EVA1A: variants seen among roughly 807,000 people sequenced by gnomAD.
The protein encoded by EVA1A is eva-1 homolog A, regulator of programmed cell death.
EVA1A carries 7 observed loss-of-function variants against 9.8 expected under a neutral mutation model. That is an observed-to-expected ratio of 0.71 (90% CI 0.41 to 1.34). The LOEUF (loss-of-function observed/expected upper bound fraction) is 1.34, where lower values mean the gene tolerates loss of function less well. EVA1A is among the 40% of genes most tolerant of loss of function. The pLI, the probability that EVA1A is intolerant of heterozygous loss-of-function variation, is 0.01. For missense variants in EVA1A, 206 were observed against 205.9 expected, an observed-to-expected ratio of 1.00 and a Z score of 0.00; for synonymous variants, 90 against 85.6, an observed-to-expected ratio of 1.05 and a Z score of -0.28.
At chr2:75,512,798 TCCA>T (rs1674860953) in intron 3 of EVA1A, among the ~76,000 whole-genome samples, 1 of 152,178 alleles carries the variant, frequency 6.6e-6, no homozygotes, top group South Asian at 2.1e-4. Context: ...AGGATGCTTC[TCCA>T]CCCATTAGAT....
chr2:75,502,666 C>A (rs1674471889), intron 3 of EVA1A, among the ~76,000 whole-genome samples: 2 of 152,136 alleles, frequency 1.3e-5, no homozygotes, highest in Middle Eastern at 3.2e-3. Flanking sequence ...TAGATACATA[C>A]ATACATAGAG....
At chr2:75,509,486 G>A (rs370770075) in intron 3 of EVA1A, among the ~76,000 whole-genome samples, 1 of 152,098 alleles carries the variant, frequency 6.6e-6, no homozygotes, top group Non-Finnish European at 1.5e-5. Flanking sequence ...TAGTAAGATT[G>A]TTGCTAATTT....
chr2:75,561,545 G>A (rs896944045), upstream of EVA1A, among the ~76,000 whole-genome samples: 8 of 152,148 alleles, frequency 5.3e-5, no homozygotes, highest in East Asian at 1.5e-3. Context: ...AGTGATGGGC[G>A]CTCAGCTGGG....
intron 1 of EVA1A, chr2:75,540,790 T>C (rs948627370): frequency 6.6e-6 from 1 of 152,196 alleles, no homozygotes; most frequent in Non-Finnish European, 1.5e-5. Context: ...ATGATGGCAC[T>C]GTACGAATCA....
intron 1 of EVA1A, among the ~76,000 whole-genome samples, chr2:75,536,932 G>A (rs187199833): frequency 1.8e-4 from 27 of 152,250 alleles, no homozygotes; most frequent in African/African-American, 6.5e-4. Flanking sequence ...AATCAGAGAA[G>A]AGGGGATACT....
chr2:75,499,477 G>C (rs1050719099), intron 3 of EVA1A, among the ~76,000 whole-genome samples: 2 of 152,160 alleles, frequency 1.3e-5, no homozygotes, highest in Non-Finnish European at 2.9e-5. Flanking sequence ...CCTAGTTCTA[G>C]TGATAATAAA....
chr2:75,537,453 A>G (rs1395096908), intron 1 of EVA1A, among the ~76,000 whole-genome samples: 1 of 152,206 alleles, frequency 6.6e-6, no homozygotes, highest in East Asian at 1.9e-4. Context: ...CAACACTGTA[A>G]GTTCTAACCA....
At chr2:75,516,580 G>C (rs1431572194) in intron 3 of EVA1A, among the ~76,000 whole-genome samples, 1 of 152,194 alleles carries the variant, frequency 6.6e-6, no homozygotes, top group Non-Finnish European at 1.5e-5. Flanking sequence ...ACCACTTTCA[G>C]TGGTCACAAT....
At position 75,493,171 on chromosome 2, in the gene EVA1A, C is replaced by A; in HGVS notation, c.*65G>T. ...AGAGCTGGGTTCAGTTCCTTGTGCC[C>A]ACTGTCCCTGCAGACGCTCTCCTTT... On this transcript the variant is annotated 3_prime_UTR_variant, in exon 4 of 4. Transcript: ENST00000393913. 1.3e-6 allele frequency: 2 copies of A among 1,539,112 alleles called. No individual in the cohort carries two copies. The highest frequency in any genetic ancestry group is 1.7e-6 in the Non-Finnish European group (2 of 1,143,828).
chr2:75,503,419 G>A (rs1318625136), intron 3 of EVA1A, among the ~76,000 whole-genome samples: 1 of 152,150 alleles, frequency 6.6e-6, no homozygotes, highest in Non-Finnish European at 1.5e-5. Context: ...GCTGTATCTT[G>A]TTTCCTGCAG....
chr2:75,513,026 C>T (rs748762949), intron 3 of EVA1A, among the ~76,000 whole-genome samples: 1 of 152,180 alleles, frequency 6.6e-6, no homozygotes, highest in African/African-American at 2.4e-5. Context: ...TCTACTGGAA[C>T]CTCCTTCCAT....
chr2:75,492,411 T>TAAAAAAA lies in EVA1A; in HGVS notation c.*818_*824dup, dbSNP rs3081153. On this transcript the variant is annotated 3_prime_UTR_variant, in exon 4 of 4. Coordinates refer to ENST00000393913, the MANE Select transcript of EVA1A (RefSeq NM_001135032.2). ...TCCATTCTTTTCTTTGAAATCCAAT[T>TAAAAAAA]AAAAAAAAAAAAAAAAACAAAGTGT... The TAAAAAAA allele has an allele frequency of 1.4e-5, 2 of 138,320 alleles. No homozygotes were observed. The highest frequency in any genetic ancestry group is 3.1e-5 in the Non-Finnish European group (2 of 64,878). 8.6% of individuals were successfully genotyped at this position (138,320 alleles called of 1,614,324 possible). A position where few individuals can be genotyped will look rare whatever the true frequency, so the allele number is the denominator to read the frequency against.
At chr2:75,521,721 T>C (rs1229761539) in intron 2 of EVA1A, among the ~76,000 whole-genome samples, 2 of 152,170 alleles carry the variant, frequency 1.3e-5, no homozygotes, top group African/African-American at 2.4e-5. Context: ...TTTTGCAAGA[T>C]GAAAAGAGTT....
rs148155576 is a variant in EVA1A at position 75,493,442 on chromosome 2, CGCTGTCGCT to C, written c.244_252del (p.Ser82_Ser84del). The C allele has an allele frequency of 0.047, 75,949 of 1,614,160 alleles. 2,051 individuals are homozygous for C. Among genetic ancestry groups the C allele is most frequent in the Middle Eastern group, 0.099 (597 of 6,060 alleles). On this transcript the variant is annotated inframe_deletion, in exon 4 of 4. Transcript: ENST00000393913. ...GACACGGTGTCCTCACTGCCATCCT[CGCTGTCGCT>C]GCTGTCGCTGCTGCTCTCTCTGTCC...
chr2:75,506,959 C>A (rs1674639531), intron 3 of EVA1A, among the ~76,000 whole-genome samples: 1 of 152,202 alleles, frequency 6.6e-6, no homozygotes, highest in Non-Finnish European at 1.5e-5. Flanking sequence ...ACAGGAGTTT[C>A]CTAGGAGACT....
chr2:75,552,217 T>A (rs1455347547), intron 1 of EVA1A, among the ~76,000 whole-genome samples: 1 of 151,804 alleles, frequency 6.6e-6, no homozygotes, highest in African/African-American at 2.4e-5. Flanking sequence ...TTCTTGTAAA[T>A]CTTGAAGACT....
At chr2:75,500,111 G>A (rs551931061) in intron 3 of EVA1A, among the ~76,000 whole-genome samples, 5 of 152,104 alleles carry the variant, frequency 3.3e-5, no homozygotes, top group South Asian at 4.1e-4. Context: ...TGCACTGCCC[G>A]GAGTGCAAAA....
chr2:75,557,370 A>C (rs1234432359), intron 1 of EVA1A, among the ~76,000 whole-genome samples: 1 of 152,192 alleles, frequency 6.6e-6, no homozygotes, highest in African/African-American at 2.4e-5. Flanking sequence ...AGTGGCTCCA[A>C]ATCTGCTTCT....
chr2:75,536,364 C>A (rs187114670), intron 1 of EVA1A, among the ~76,000 whole-genome samples: 1 of 151,760 alleles, frequency 6.6e-6, no homozygotes. Flanking sequence ...ACACCTCCCC[C>A]CCAAATAAAA....
Sources: allele counts gnomAD v4.1 joint callset (sites outside exome capture counted in the v4.1 genomes callset), GRCh38; gene constraint gnomAD v4.1.1; transcripts MANE v1.5; gene names NCBI Gene and HGNC (gene_info 2026-07-23, HGNC 2026-07-21).